GUCY2F: variants seen among roughly 807,000 people sequenced by gnomAD.
GUCY2F encodes retinal guanylyl cyclase 2.
A neutral mutation model predicts 73.1 loss-of-function variants in GUCY2F; 61 were observed. The observed-to-expected ratio is 0.83, with a 90% confidence interval of 0.68 to 1.03. The LOEUF is 1.03. Among genes scored for constraint, GUCY2F ranks in the 50% least tolerant of loss-of-function variants. The probability of loss-of-function intolerance (pLI) is 0.00; values close to 1 mark genes in which losing one functional copy is unlikely to be tolerated. For missense variants in GUCY2F, 912 were observed against 854.3 expected (o/e 1.07, Z -0.84); for synonymous variants, 331 against 307.8 (o/e 1.08, Z -0.79).
At chrX:109,406,185 C>T (rs889381172) in intron 9 of GUCY2F, among the ~76,000 whole-genome samples, 4 of 111,862 alleles carry the variant, frequency 3.6e-5, no homozygotes, top group Non-Finnish European at 7.5e-5. Flanking sequence ...TGGGACTCAT[C>T]TATGAACCCT....
intron 7 of GUCY2F, among the ~76,000 whole-genome samples, chrX:109,438,630 G>A (rs1931806269): frequency 8.9e-6 from 1 of 112,976 alleles, no homozygotes; most frequent in Non-Finnish European, 1.9e-5. Flanking sequence ...CACTGGGGTG[G>A]GTGTTGGGCC....
rs746826900 is a variant in GUCY2F, at chrX:109,427,240, A to G, written c.1791+3067T>C. Among the ~76,000 whole-genome samples the G allele has an allele frequency of 2.0e-4, 22 of 112,174 alleles. No homozygotes were observed. In the South Asian group the frequency reaches 2.3e-3, roughly 12 times the overall value. On this transcript the variant is annotated intron_variant, in intron 8 of 19. Transcript: ENST00000218006. Reference sequence around the variant, plus strand: ...AAACACTTTGTTTCACAGCAACTGCAGTTTCCTTCTCTTCACATTTCTTAA... The same window carrying G: ...AAACACTTTGTTTCACAGCAACTGCGGTTTCCTTCTCTTCACATTTCTTAA...
In GUCY2F at chrX:109,388,489, C is replaced by T. The variant is rs1384297371; in HGVS notation, c.2956G>A (p.Gly986Arg). 1 of 1,193,410 alleles carries T rather than the reference C, an allele frequency of 8.4e-7. No individual in the cohort carries two copies. The highest frequency in any genetic ancestry group is 3.0e-5 in the East Asian group (1 of 33,648). ...PVRIRIGLHSGPVVAGVVGLT... is the reference protein window; with the variant it reads ...PVRIRIGLHSRPVVAGVVGLT... ...TCCTCTTACTTTAACTGGTTATTAC[C>T]TGAGTGAAGGCCAATTCGAATTCGG... The change falls in exon 15 of 20, where the codon GGG (glycine) becomes AGG (arginine). Residue 986 changes from glycine to arginine, a missense_variant and splice_region_variant. By Grantham distance (125) the Gly-to-Arg change is moderately radical. Transcript: ENST00000218006.
At position 109,479,881 on chromosome X, in the gene GUCY2F, CA is replaced by C. The variant is rs773942569; in HGVS notation, c.-86+1984del. Among the ~76,000 whole-genome samples, 429 of 102,599 alleles carry C rather than the reference CA, an allele frequency of 4.2e-3. 2 individuals are homozygous for C. Among genetic ancestry groups the C allele is most frequent in the African/African-American group, 0.014 (402 of 28,252 alleles). The allele number at this position is 102,599 out of a possible 115,157, so 89.1% of individuals were successfully genotyped here. On this transcript the variant is annotated intron_variant, in intron 1 of 19. Coordinates refer to ENST00000218006, the MANE Select transcript of GUCY2F (RefSeq NM_001522.3). ...AGTTGGTCTGTGCTAAGACTAACTACAAAAAAAAAATGGGAGAGTATAAGGG... is the reference window on the plus strand; with the variant it reads ...AGTTGGTCTGTGCTAAGACTAACTACAAAAAAAAATGGGAGAGTATAAGGG...
chrX:109,453,608 C>T lies in GUCY2F; in HGVS notation c.1284G>A (p.Met428Ile), dbSNP rs867692637. Residue 428 changes from methionine (M) to isoleucine (I), a missense_variant, in exon 4 of 20, where the codon ATG becomes ATA. Transcript: ENST00000218006. ...LHSTYTVDME[M>I]ELLRFGGTPI... is the part of the protein sequence containing the mutation. The stretch of plus-strand genomic sequence containing the variant: ...GGGTCCCTCCGAAACGTAGCAGCTC[C>T]ATTTCCATGTCCACAGTGTAGGTGC... The T allele has an allele frequency of 8.3e-7, 1 of 1,206,036 alleles. No individual in the cohort carries two copies. The highest frequency in any genetic ancestry group is 1.1e-6 in the Non-Finnish European group (1 of 890,412).
intron 16 of GUCY2F, among the ~76,000 whole-genome samples, chrX:109,382,952 C>T (rs181591417): frequency 2.3e-3 from 253 of 111,793 alleles, no homozygotes; most frequent in African/African-American, 7.8e-3. Flanking sequence ...AACTGTCACC[C>T]TATGAAGTGA....
At chrX:109,435,557 A>G (rs1931722011) in intron 7 of GUCY2F, among the ~76,000 whole-genome samples, 1 of 110,544 alleles carries the variant, frequency 9.0e-6, no homozygotes, top group Non-Finnish European at 1.9e-5. Flanking sequence ...TAGATATACA[A>G]TCATGCCGTC....
Position 109,414,864 on chromosome X carries a change from T to A in GUCY2F, c.1792-5696A>T, listed in dbSNP as rs781728464. Among the ~76,000 whole-genome samples the A allele has an allele frequency of 1.8e-4, 20 of 111,763 alleles. No homozygotes were observed. The East Asian group carries it at 4.5e-3, about 25-fold the overall frequency. On this transcript the variant is annotated intron_variant, in intron 8 of 19. Transcript: ENST00000218006. ...AGCATATCACAACCCAAACACTAAG[T>A]AAAAGCCAGTGTGCCTTAAGCAGAG...
rs1932183653 is a variant in GUCY2F, at chrX:109,453,541, T to C, written c.1351A>G (p.Lys451Glu). ...PGGRPPRADA[K>E]CWFAEGKICH... ...ATCTTCCCTTCTGCAAACCAGCATT[T>C]TGCATCTGCTCTAGGGGGCCTGCCA... The change falls in exon 4 of 20, where the codon AAA becomes GAA. Residue 451 changes from lysine to glutamate, a missense_variant. Lys to Glu is a moderately conservative substitution (Grantham distance 56). Coordinates refer to ENST00000218006, the MANE Select transcript of GUCY2F (RefSeq NM_001522.3). 2 of 1,205,004 alleles carry C rather than the reference T, an allele frequency of 1.7e-6. No individual in the cohort carries two copies. The highest frequency in any genetic ancestry group is 1.8e-5 in the African/African-American group (1 of 56,983).
At chrX:109,391,882 G>A in intron 14 of GUCY2F, 29 bp downstream of exon 14, 1 of 1,007,841 alleles carries the variant, frequency 9.9e-7, no homozygotes, top group Non-Finnish European at 1.3e-6. Context: ...ATTTCACTAT[G>A]GAATATATTT....
intron 7 of GUCY2F, among the ~76,000 whole-genome samples, chrX:109,430,888 C>T (rs1464929078): frequency 9.0e-6 from 1 of 111,040 alleles, no homozygotes; most frequent in Non-Finnish European, 1.9e-5. Flanking sequence ...ACAGGCCATT[C>T]GTGTGTGTGT....
At chrX:109,421,579 T>C (rs1931373471) in intron 8 of GUCY2F, among the ~76,000 whole-genome samples, 1 of 111,102 alleles carries the variant, frequency 9.0e-6, no homozygotes, top group African/African-American at 3.3e-5. Flanking sequence ...CCAGGGGCTG[T>C]TGGAAATAGA....
At position 109,376,154 on chromosome X, in the gene GUCY2F, T is replaced by A; in HGVS notation, c.3164A>T (p.Glu1055Val). The A allele has an allele frequency of 8.4e-7, 1 of 1,186,394 alleles. No individual in the cohort carries two copies. The highest frequency in any genetic ancestry group is 1.1e-6 in the Non-Finnish European group (1 of 872,440). ...TTTCCCAATCAGCCAGAAGGTTTCCTCTGTGCCTTTGCCCTTATTATAGAA... is the reference window on the plus strand; with the variant it reads ...TTTCCCAATCAGCCAGAAGGTTTCCACTGTGCCTTTGCCCTTATTATAGAA... ...GRTELKGKGT[E>V]ETFWLIGKKG... The change falls in exon 18 of 20, where the codon GAG becomes GTG. Residue 1055 changes from glutamate to valine, a missense_variant. By Grantham distance (121) the Glu-to-Val change is moderately radical. Transcript: ENST00000218006.
intron 13 of GUCY2F, among the ~76,000 whole-genome samples, 170 bp from the exon 14 acceptor site, chrX:109,392,273 G>A (rs1930585312): frequency 8.9e-6 from 1 of 112,217 alleles, no homozygotes; most frequent in South Asian, 3.7e-4. Flanking sequence ...CTACAAATAA[G>A]TGTTAAGTGC....
At chrX:109,480,516 G>C (rs1290841531) in intron 1 of GUCY2F, among the ~76,000 whole-genome samples, 1 of 111,496 alleles carries the variant, frequency 9.0e-6, no homozygotes, top group Non-Finnish European at 1.9e-5. Context: ...GTCCATTCTA[G>C]GTGTAAGGCT....
intron 2 of GUCY2F, among the ~76,000 whole-genome samples, chrX:109,471,611 A>C (rs1473606872): frequency 2.7e-5 from 3 of 112,301 alleles, no homozygotes; most frequent in African/African-American, 6.5e-5. Context: ...CCTGACTATA[A>C]ATTAAGGCCT....
At chrX:109,453,376 T>C in intron 4 of GUCY2F, 129 bp downstream of exon 4, 1 of 438,572 alleles carries the variant, frequency 2.3e-6, no homozygotes, top group South Asian at 3.9e-5. Flanking sequence ...TGCCAAGAAG[T>C]GTATGTCACT....
intron 6 of GUCY2F, among the ~76,000 whole-genome samples, chrX:109,445,817 A>G (rs1463721079): frequency 8.9e-6 from 1 of 111,817 alleles, no homozygotes; most frequent in Admixed American, 9.5e-5. Context: ...TCAGTTAGGA[A>G]AAGAGGAAGT....
intron 9 of GUCY2F, among the ~76,000 whole-genome samples, chrX:109,408,203 C>G (rs1032192035): frequency 8.9e-6 from 1 of 112,371 alleles, no homozygotes; most frequent in South Asian, 3.7e-4. Flanking sequence ...CAAAGGAGAT[C>G]ATTTTGGAGC....
Sources: gnomAD v4.1 joint callset for allele counts (sites outside exome capture counted in the v4.1 genomes callset) on GRCh38, gnomAD v4.1.1 for gene constraint, MANE v1.5 for transcripts, NCBI Gene and HGNC (gene_info 2026-07-23, HGNC 2026-07-21) for gene names.